Variants in TUSC3 observed in about 807,000 individuals in gnomAD.
TUSC3 encodes the protein tumor suppressor candidate 3.
TUSC3 carries 45 observed loss-of-function variants against 44.8 expected under a neutral mutation model. The ratio of observed to expected loss-of-function variants is 1.00; its 90% CI spans 0.79 to 1.29. The LOEUF is 1.29. TUSC3 is among the 50% of genes most tolerant of loss of function. The pLI is 0.00. For missense variants in TUSC3, 519 were observed against 437.9 expected (o/e 1.19, Z -1.65); for synonymous variants, 212 against 152.9 (o/e 1.39, Z -2.85).
the TUSC3 span, among the ~76,000 whole-genome samples, chr8:15,774,560 TTTTTAC>T: frequency 6.6e-6 from 1 of 152,108 alleles, no homozygotes; most frequent in Admixed American, 6.6e-5. Context: ...AGACCTTGAT[TTTTTAC>T]TTTTAGTCTC....
chr8:15,819,043 G>A, the TUSC3 span, among the ~76,000 whole-genome samples: 1 of 151,808 alleles, frequency 6.6e-6, no homozygotes, highest in Non-Finnish European at 1.5e-5. Context: ...GGGCAACAGA[G>A]TGAGACCCCT....
At chr8:15,778,235 C>A in the TUSC3 span, among the ~76,000 whole-genome samples, 1 of 152,116 alleles carries the variant, frequency 6.6e-6, no homozygotes, top group Non-Finnish European at 1.5e-5. Flanking sequence ...TGATTTACTA[C>A]ACTTATTCTG....
At chr8:15,801,135 A>C in the TUSC3 span, among the ~76,000 whole-genome samples, 2 of 152,198 alleles carry the variant, frequency 1.3e-5, no homozygotes, top group Admixed American at 6.5e-5. Flanking sequence ...CAGAGCACCC[A>C]CAAGGGTTGC....
At chr8:15,483,649 A>ATATTTTTTTTTTTTTTT (rs1800694380) in intron 2 of TUSC3, among the ~76,000 whole-genome samples, 7 of 66,164 alleles carry the variant, frequency 1.1e-4, no homozygotes, top group African/African-American at 3.8e-4. Flanking sequence ...TAGCACTGTG[A>ATATTTTTTTTTTTTTTT]TTTTTTTTTT....
downstream of TUSC3, among the ~76,000 whole-genome samples, chr8:15,768,655 CTGTT>C (rs1812391611): frequency 6.6e-6 from 1 of 152,138 alleles, no homozygotes; most frequent in Admixed American, 6.6e-5. Flanking sequence ...ATCAAATTGT[CTGTT>C]TGTAGATGAC....
At chr8:15,806,904 G>C in the TUSC3 span, 1 of 1,359,020 alleles carries the variant, frequency 7.4e-7, no homozygotes, top group Non-Finnish European at 1.1e-6. Context: ...GCTTACATCT[G>C]TTGACCCACT....
intron 2 of TUSC3, among the ~76,000 whole-genome samples, chr8:15,491,762 G>A (rs897293105): frequency 2.0e-5 from 3 of 152,140 alleles, no homozygotes; most frequent in African/African-American, 4.8e-5. Context: ...GACATTTGCT[G>A]AAGAAAACAG....
At chr8:15,546,885 C>T (rs913541772) in intron 1 of TUSC3, among the ~76,000 whole-genome samples, 1 of 151,562 alleles carries the variant, frequency 6.6e-6, no homozygotes, top group Admixed American at 6.6e-5. Context: ...GCCTGCCTGC[C>T]TGCCTGCCTC....
chr8:15,534,431 C>T (rs376474788), intron 2 of TUSC3, among the ~76,000 whole-genome samples: 156 of 152,118 alleles, frequency 1.0e-3, no homozygotes, highest in African/African-American at 3.6e-3. Context: ...ATCACAAGGT[C>T]AGAAGATCGA....
At chr8:15,504,610 TATATATATA>T (rs1473498357) in intron 2 of TUSC3, among the ~76,000 whole-genome samples, 44 of 31,190 alleles carry the variant, frequency 1.4e-3, no homozygotes, top group East Asian at 0.012. Context: ...TATATATATA[TATATATATA>T]TATTTTTTTT....
intron 1 of TUSC3, among the ~76,000 whole-genome samples, chr8:15,550,241 T>A (rs1228621958): frequency 6.6e-6 from 1 of 151,754 alleles, no homozygotes; most frequent in Non-Finnish European, 1.5e-5. Context: ...TTTATTTCTG[T>A]TTTCTTTGGA....
the TUSC3 span, among the ~76,000 whole-genome samples, chr8:15,804,313 G>A: frequency 6.6e-6 from 1 of 152,096 alleles, no homozygotes; most frequent in South Asian, 2.1e-4. Context: ...AGTTTGTTTT[G>A]CTGTGCAGAA....
At chr8:15,829,458 G>T in the TUSC3 span, among the ~76,000 whole-genome samples, 1 of 152,020 alleles carries the variant, frequency 6.6e-6, no homozygotes, top group African/African-American at 2.4e-5. Context: ...TCTGATAAGG[G>T]TTAATTTATC....
the TUSC3 span, among the ~76,000 whole-genome samples, chr8:15,775,920 G>C: frequency 6.6e-6 from 1 of 151,804 alleles, no homozygotes; most frequent in Non-Finnish European, 1.5e-5. Flanking sequence ...CAGAGAACAA[G>C]ATATTCAAAC....
At chr8:15,505,569 A>C (rs1023631598) in intron 2 of TUSC3, among the ~76,000 whole-genome samples, 1 of 152,146 alleles carries the variant, frequency 6.6e-6, no homozygotes, top group Non-Finnish European at 1.5e-5. Context: ...CCTTTACTAC[A>C]GTATGTCCCA....
intron 1 of TUSC3, among the ~76,000 whole-genome samples, chr8:15,597,356 T>C (rs1230860262): frequency 6.6e-6 from 1 of 152,122 alleles, no homozygotes; most frequent in Non-Finnish European, 1.5e-5. Flanking sequence ...CAAGGTAAAT[T>C]TGATATTCTT....
chr8:15,792,931 T>A, the TUSC3 span, among the ~76,000 whole-genome samples: 1 of 152,042 alleles, frequency 6.6e-6, no homozygotes, highest in South Asian at 2.1e-4. Flanking sequence ...CTACTATTTC[T>A]GCAAAGCCCC....
intron 1 of TUSC3, among the ~76,000 whole-genome samples, chr8:15,481,690 A>G (rs1800663402): frequency 6.6e-6 from 1 of 152,240 alleles, no homozygotes; most frequent in Non-Finnish European, 1.5e-5. Flanking sequence ...CAATAGCATT[A>G]TGGCTGAAAA....
At chr8:15,461,828 A>G (rs956367663) in intron 1 of TUSC3, among the ~76,000 whole-genome samples, 2 of 152,004 alleles carry the variant, frequency 1.3e-5, no homozygotes, top group African/African-American at 4.8e-5. Context: ...ATTTGTATAT[A>G]TAATCAAATT....
Sources: allele counts gnomAD v4.1 joint callset (sites outside exome capture counted in the v4.1 genomes callset), GRCh38; gene constraint gnomAD v4.1.1; transcripts MANE v1.5; gene names NCBI Gene and HGNC (gene_info 2026-07-23, HGNC 2026-07-21).